Variants in CTTNBP2 observed in about 807,000 individuals in gnomAD.
CTTNBP2 encodes the protein cortactin-binding protein 2.
In CTTNBP2, 108 loss-of-function variants were observed where a neutral mutation model predicts 156.9. The ratio of observed to expected loss-of-function variants is 0.69; its 90% CI spans 0.59 to 0.81. The LOEUF is 0.81. Ranked by LOEUF, CTTNBP2 falls within the 30% of genes least tolerant of loss-of-function variation. CTTNBP2 has a pLI of 0.00. For missense variants in CTTNBP2, 1,924 were observed against 2,035.4 expected, an observed-to-expected ratio of 0.95 and a Z score of 1.05; for synonymous variants, 767 against 751.8, an observed-to-expected ratio of 1.02 and a Z score of -0.33.
At chr7:117,759,599 C>A (rs1254338118) in intron 10 of CTTNBP2, among the ~76,000 whole-genome samples, 1 of 152,200 alleles carries the variant, frequency 6.6e-6, no homozygotes, top group Non-Finnish European at 1.5e-5. Context: ...TTTCCCTCAA[C>A]CTTGGACCTT....
chr7:117,844,970 G>C (rs938354179), intron 2 of CTTNBP2, among the ~76,000 whole-genome samples: 4 of 152,188 alleles, frequency 2.6e-5, no homozygotes, highest in Non-Finnish European at 4.4e-5. Context: ...GAACAGGTGA[G>C]TAAAAGCATT....
At chr7:117,790,910 C>T (rs1291651615) in intron 4 of CTTNBP2, among the ~76,000 whole-genome samples, 2 of 151,852 alleles carry the variant, frequency 1.3e-5, no homozygotes, top group East Asian at 1.9e-4. Context: ...GAAGAAAGCA[C>T]TTAGCATAGC....
chr7:117,868,233 G>C (rs879614627), intron 1 of CTTNBP2, among the ~76,000 whole-genome samples: 1 of 152,186 alleles, frequency 6.6e-6, no homozygotes, highest in Non-Finnish European at 1.5e-5. Flanking sequence ...ATGCATTAAA[G>C]AATAGTCTTG....
intron 8 of CTTNBP2, among the ~76,000 whole-genome samples, chr7:117,773,268 G>A (rs185765423): frequency 4.4e-4 from 67 of 152,168 alleles, no homozygotes; most frequent in Non-Finnish European, 1.5e-4. Context: ...GTGTTGGGGC[G>A]TCATGTGGAC....
chr7:117,717,164 C>A (rs1255349083), intron 22 of CTTNBP2, among the ~76,000 whole-genome samples: 1 of 152,184 alleles, frequency 6.6e-6, no homozygotes, highest in African/African-American at 2.4e-5. Context: ...TATTAACCAA[C>A]TGATAATGGT....
At chr7:117,727,682 T>G (rs1795168596) in intron 17 of CTTNBP2, among the ~76,000 whole-genome samples, 1 of 152,190 alleles carries the variant, frequency 6.6e-6, no homozygotes, top group African/African-American at 2.4e-5. Flanking sequence ...TCTGTTCTCA[T>G]AAGATGCTTC....
intron 2 of CTTNBP2, among the ~76,000 whole-genome samples, chr7:117,831,115 G>T (rs1257838751): frequency 6.6e-6 from 1 of 152,120 alleles, no homozygotes; most frequent in Non-Finnish European, 1.5e-5. Context: ...GCTATCTAAA[G>T]ACCTAAGTCC....
At chr7:117,846,288 T>C (rs1055177229) in intron 2 of CTTNBP2, among the ~76,000 whole-genome samples, 46 of 152,174 alleles carry the variant, frequency 3.0e-4, no homozygotes, top group Non-Finnish European at 6.0e-4. Context: ...GATTTATTAA[T>C]ACTAGAAACA....
chr7:117,788,252 G>A (rs1798810440), intron 4 of CTTNBP2, among the ~76,000 whole-genome samples: 1 of 152,190 alleles, frequency 6.6e-6, no homozygotes. Context: ...TTGGATTACA[G>A]GTATGATTAC....
intron 1 of CTTNBP2, chr7:117,871,826 C>CT (rs1563083153): frequency 2.2e-6 from 1 of 445,934 alleles, no homozygotes; most frequent in East Asian, 3.3e-4. Context: ...CACCCTCTTT[C>CT]TTTTTCGTCC....
chr7:117,748,228 A>C (rs1188351076), intron 12 of CTTNBP2, among the ~76,000 whole-genome samples: 1 of 152,150 alleles, frequency 6.6e-6, no homozygotes, highest in African/African-American at 2.4e-5. Context: ...ATTTATACTT[A>C]TGAGATGGGG....
intron 16 of CTTNBP2, among the ~76,000 whole-genome samples, chr7:117,733,143 C>A (rs1017831054): frequency 7.2e-5 from 11 of 152,126 alleles, no homozygotes; most frequent in Non-Finnish European, 1.2e-4. Context: ...GCTTTAAGTG[C>A]CCACAAAGAT....
intron 14 of CTTNBP2, among the ~76,000 whole-genome samples, chr7:117,741,570 G>T (rs191578050): frequency 1.7e-4 from 26 of 152,200 alleles, no homozygotes; most frequent in Non-Finnish European, 3.4e-4. Flanking sequence ...GTATGCATTC[G>T]CAGCCTCCTT....
At chr7:117,752,152 G>C (rs535082340) in intron 12 of CTTNBP2, among the ~76,000 whole-genome samples, 1 of 152,048 alleles carries the variant, frequency 6.6e-6, no homozygotes, top group South Asian at 2.1e-4. Flanking sequence ...GGGAATGTAC[G>C]GAGAATAACT....
intron 3 of CTTNBP2, among the ~76,000 whole-genome samples, chr7:117,810,406 T>A (rs1800203717): frequency 6.6e-6 from 1 of 152,170 alleles, no homozygotes; most frequent in African/African-American, 2.4e-5. Flanking sequence ...TACTATATGA[T>A]CAAAGAGTCC....
At chr7:117,869,647 G>A (rs1459531205) in intron 1 of CTTNBP2, among the ~76,000 whole-genome samples, 1 of 152,166 alleles carries the variant, frequency 6.6e-6, no homozygotes, top group Non-Finnish European at 1.5e-5. Context: ...TGGTAATCTA[G>A]CCCAGGCATG....
chr7:117,858,200 C>T (rs768455406), intron 2 of CTTNBP2, among the ~76,000 whole-genome samples: 1 of 152,148 alleles, frequency 6.6e-6, no homozygotes, highest in Non-Finnish European at 1.5e-5. Flanking sequence ...GAAACCCTGT[C>T]TCTACTAAAA....
At chr7:117,756,673 T>C (rs898016749) in intron 11 of CTTNBP2, 39 bp from the exon 12 acceptor site, 2 of 1,260,882 alleles carry the variant, frequency 1.6e-6, no homozygotes, top group Middle Eastern at 1.9e-4. Context: ...GGGTGTTCCC[T>C]TGTTAAATAT....
At chr7:117,796,889 T>C in intron 3 of CTTNBP2, among the ~76,000 whole-genome samples, 1 of 152,270 alleles carries the variant, frequency 6.6e-6, no homozygotes, top group African/African-American at 2.4e-5. Context: ...GAAGCAATGG[T>C]TATTAGACTA....
Sources: gnomAD v4.1 joint callset for allele counts (sites outside exome capture counted in the v4.1 genomes callset) on GRCh38, gnomAD v4.1.1 for gene constraint, MANE v1.5 for transcripts, NCBI Gene and HGNC (gene_info 2026-07-23, HGNC 2026-07-21) for gene names.